BNC2: variants seen among roughly 807,000 people sequenced by gnomAD.
BNC2 encodes the protein basonuclin zinc finger protein 2, also known as zinc finger protein basonuclin-2.
A neutral mutation model predicts 76.3 loss-of-function variants in BNC2; 20 were observed. That is an observed-to-expected ratio of 0.26 (90% confidence interval 0.18 to 0.38). BNC2 has a LOEUF of 0.38. BNC2 is among the 10% of genes least tolerant of loss of function. The pLI is 1.00. For missense variants in BNC2, 1,382 were observed against 1,399.8 expected (o/e 0.99, Z 0.20); for synonymous variants, 582 against 514.8 (o/e 1.13, Z -1.77).
intron 5 of BNC2, among the ~76,000 whole-genome samples, chr9:16,523,311 A>G (rs2132102549): frequency 6.6e-6 from 1 of 152,080 alleles, no homozygotes; most frequent in East Asian, 2.0e-4. Context: ...CTCTACTAAA[A>G]ACACAAAAAA....
At chr9:16,814,759 C>G (rs1228328521) in intron 1 of BNC2, among the ~76,000 whole-genome samples, 2 of 152,178 alleles carry the variant, frequency 1.3e-5, no homozygotes, top group Non-Finnish European at 2.9e-5. Context: ...AAATGCCACA[C>G]CCACCAAATA....
intron 2 of BNC2, among the ~76,000 whole-genome samples, chr9:16,731,721 T>G (rs1012879696): frequency 7.9e-5 from 12 of 152,188 alleles, no homozygotes; most frequent in Admixed American, 3.9e-4. Context: ...ATTTATAGAC[T>G]GCTGTAATTA....
At chr9:16,695,822 C>G (rs1163227190) in intron 3 of BNC2, among the ~76,000 whole-genome samples, 1 of 151,730 alleles carries the variant, frequency 6.6e-6, no homozygotes, top group East Asian at 1.9e-4. Context: ...CAAACTCTCA[C>G]TAGATTTTTC....
chr9:16,792,853 A>G (rs553674325), intron 1 of BNC2, among the ~76,000 whole-genome samples: 5 of 152,370 alleles, frequency 3.3e-5, no homozygotes, highest in Admixed American at 2.6e-4. Context: ...GGAATTCCAT[A>G]TGGAATAGGA....
intron 3 of BNC2, among the ~76,000 whole-genome samples, chr9:16,627,056 C>T (rs942338066): frequency 6.6e-6 from 1 of 152,314 alleles, no homozygotes; most frequent in African/African-American, 2.4e-5. Flanking sequence ...TCACAGACTA[C>T]AGCCCCTGAG....
chr9:16,850,830 G>C (rs141918788), intron 1 of BNC2, among the ~76,000 whole-genome samples: 39 of 151,836 alleles, frequency 2.6e-4, no homozygotes, highest in African/African-American at 9.2e-4. Flanking sequence ...ATCAAAAATA[G>C]AATTATCTTG....
Position 16,426,220 on chromosome 9 carries a change from C to G in BNC2, c.2640-6571G>C, listed in dbSNP as rs1016875129. On this transcript the variant is annotated intron_variant, in intron 6 of 6. Coordinates refer to ENST00000380672, the MANE Select transcript of BNC2 (RefSeq NM_017637.6). ...TACACTGGACAAATTAACCCTCAAG[C>G]TTTCCATTCCTTGTTTTATATAGCC... Among the ~76,000 whole-genome samples, 4 of 152,130 alleles carry G rather than the reference C, an allele frequency of 2.6e-5. No individual in the cohort carries two copies. In the South Asian group the frequency reaches 8.3e-4, roughly 32 times the overall value.
chr9:16,447,211 CCTTAA>C (rs1821248469), intron 5 of BNC2, among the ~76,000 whole-genome samples: 1 of 152,162 alleles, frequency 6.6e-6, no homozygotes, highest in South Asian at 2.1e-4. Context: ...ACCTATGAGT[CCTTAA>C]CTTAAGCACA....
chr9:16,469,763 T>C (rs1247037900), intron 5 of BNC2, among the ~76,000 whole-genome samples: 1 of 152,052 alleles, frequency 6.6e-6, no homozygotes, highest in Non-Finnish European at 1.5e-5. Flanking sequence ...CTGATAGCAA[T>C]ATGGACAATA....
At chr9:16,612,221 C>A (rs1488405998) in intron 3 of BNC2, among the ~76,000 whole-genome samples, 3 of 152,128 alleles carry the variant, frequency 2.0e-5, no homozygotes, top group African/African-American at 7.2e-5. Context: ...AATCCTCCAG[C>A]CTGACTAGCC....
At chr9:16,552,363 G>A (rs1317538964) in intron 5 of BNC2, among the ~76,000 whole-genome samples, 167 bp downstream of exon 5, 1 of 152,170 alleles carries the variant, frequency 6.6e-6, no homozygotes, top group African/African-American at 2.4e-5. Context: ...GCCCGATGGT[G>A]GCCTGCTTTG....
chr9:16,842,553 A>C (rs1476115193), intron 1 of BNC2, among the ~76,000 whole-genome samples: 2 of 152,180 alleles, frequency 1.3e-5, no homozygotes, highest in Non-Finnish European at 2.9e-5. Flanking sequence ...CTAGAACTAA[A>C]TAGTGTTGAT....
At chr9:16,525,113 T>C (rs1382320817) in intron 5 of BNC2, among the ~76,000 whole-genome samples, 2 of 151,386 alleles carry the variant, frequency 1.3e-5, no homozygotes, top group Non-Finnish European at 2.9e-5. Context: ...CTGAATACAA[T>C]TACTACATAA....
chr9:16,479,016 C>G (rs78333815), intron 5 of BNC2, among the ~76,000 whole-genome samples: 82 of 152,234 alleles, frequency 5.4e-4, no homozygotes, highest in African/African-American at 1.9e-3. Flanking sequence ...CTTTGGAAGG[C>G]CGAAGTGGGC....
intron 5 of BNC2, among the ~76,000 whole-genome samples, chr9:16,498,044 A>T (rs1311335818): frequency 6.9e-6 from 1 of 144,110 alleles, no homozygotes; most frequent in Admixed American, 7.1e-5. Context: ...TATATATTCC[A>T]TCATATATAT....
intron 3 of BNC2, among the ~76,000 whole-genome samples, chr9:16,673,297 G>A (rs972979773): frequency 4.6e-5 from 7 of 152,020 alleles, no homozygotes; most frequent in Non-Finnish European, 4.4e-5. Context: ...AGTATAGCTG[G>A]AAGACAGCAG....
intron 5 of BNC2, among the ~76,000 whole-genome samples, chr9:16,522,020 A>G (rs760552741): frequency 1.3e-5 from 2 of 152,208 alleles, no homozygotes; most frequent in Non-Finnish European, 1.5e-5. Context: ...ACAAAAAGTG[A>G]CTAGTAATGC....
chr9:16,574,568 G>T (rs948360885), intron 4 of BNC2, among the ~76,000 whole-genome samples: 2 of 152,088 alleles, frequency 1.3e-5, no homozygotes, highest in Non-Finnish European at 2.9e-5. Context: ...GGAACACTTG[G>T]TCCAACAGCC....
intron 3 of BNC2, among the ~76,000 whole-genome samples, chr9:16,687,009 C>A (rs780901648): frequency 2.0e-5 from 3 of 152,024 alleles, no homozygotes; most frequent in Non-Finnish European, 4.4e-5. Flanking sequence ...GGGAATCTTA[C>A]GTGTAGATTA....
Sources: gnomAD v4.1 joint callset for allele counts (sites outside exome capture counted in the v4.1 genomes callset) on GRCh38, gnomAD v4.1.1 for gene constraint, MANE v1.5 for transcripts, NCBI Gene and HGNC (gene_info 2026-07-23, HGNC 2026-07-21) for gene names.